Variants in UBE2E3 observed in about 807,000 individuals in gnomAD.
UBE2E3 encodes ubiquitin conjugating enzyme E2 E3, also known as ubiquitin-conjugating enzyme E2 E3.
UBE2E3 carries 5 observed loss-of-function variants against 23.6 expected under a neutral mutation model. The observed-to-expected ratio is 0.21, with a 90% CI of 0.11 to 0.44. The LOEUF is 0.44. UBE2E3 is among the 20% of genes least tolerant of loss of function. The probability of loss-of-function intolerance (pLI) is 0.99; values close to 1 mark genes in which losing one functional copy is unlikely to be tolerated. For missense variants in UBE2E3, 81 were observed against 249.8 expected (o/e 0.32, Z 4.55); for synonymous variants, 78 against 87.5 (o/e 0.89, Z 0.60).
chr2:181,049,893 C>G lies in UBE2E3; in HGVS notation c.246-7800C>G, dbSNP rs1000887963. On this transcript the variant is annotated intron_variant, in intron 3 of 5. Coordinates refer to ENST00000410062, the MANE Select transcript of UBE2E3 (RefSeq NM_006357.4). ...TTAAACAAAAGACTATGAAATACTA[C>G]TACTTTTCTGTAGGCCATGTGATAA... 5.9e-5 allele frequency among the ~76,000 whole-genome samples: 9 copies of G among 152,066 alleles called. No individual in the cohort carries two copies. The Middle Eastern group carries it at 0.01, about 172-fold the overall frequency.
intron 3 of UBE2E3, among the ~76,000 whole-genome samples, chr2:181,000,702 C>G (rs922825698): frequency 2.0e-5 from 3 of 151,984 alleles, no homozygotes; most frequent in Non-Finnish European, 2.9e-5. Context: ...CTACAGGCGC[C>G]CACCACCACA....
chr2:181,013,631 G>C (rs193274062), intron 3 of UBE2E3, among the ~76,000 whole-genome samples: 30 of 152,286 alleles, frequency 2.0e-4, no homozygotes, highest in Middle Eastern at 3.4e-3. Flanking sequence ...TAAACCTGAT[G>C]ACTGGGTTTC....
chr2:181,060,856 GAGTGCTTTTT>G, intron 5 of UBE2E3, 44 bp downstream of exon 5: 1 of 466,222 alleles, frequency 2.1e-6, no homozygotes, highest in Non-Finnish European at 3.2e-6. Flanking sequence ...CTACAAAAAC[GAGTGCTTTTT>G]TTTTTTTTTT....
chr2:181,021,623 CCTCCCTTTT>C (rs1422724763), intron 3 of UBE2E3, among the ~76,000 whole-genome samples: 1 of 88,954 alleles, frequency 1.1e-5, no homozygotes, highest in Non-Finnish European at 2.4e-5. Flanking sequence ...TCCCTCTCTC[CCTCCCTTTT>C]TTCCTTCCTT....
At chr2:181,034,795 A>G (rs996934263) in intron 3 of UBE2E3, among the ~76,000 whole-genome samples, 4 of 152,200 alleles carry the variant, frequency 2.6e-5, no homozygotes, top group South Asian at 2.1e-4. Context: ...TCAGGTTTCT[A>G]AAGAACAAGT....
intron 3 of UBE2E3, among the ~76,000 whole-genome samples, chr2:181,002,464 C>T (rs539897307): frequency 1.4e-4 from 21 of 152,152 alleles, no homozygotes; most frequent in African/African-American, 4.3e-4. Flanking sequence ...TGATTACGAA[C>T]GAAGAAAACC....
At chr2:181,051,445 A>G (rs959521034) in intron 3 of UBE2E3, among the ~76,000 whole-genome samples, 12 of 151,848 alleles carry the variant, frequency 7.9e-5, no homozygotes, top group African/African-American at 2.9e-4. Flanking sequence ...TGAAATGTGC[A>G]TTACTGACCT....
intron 3 of UBE2E3, among the ~76,000 whole-genome samples, chr2:181,051,192 A>G (rs940787485): frequency 3.3e-5 from 5 of 151,786 alleles, no homozygotes; most frequent in African/African-American, 4.8e-5. Flanking sequence ...AATGGTATTA[A>G]ATTACATGTT....
intron 3 of UBE2E3, among the ~76,000 whole-genome samples, chr2:181,022,724 A>G (rs1685747945): frequency 6.6e-6 from 1 of 151,868 alleles, no homozygotes; most frequent in African/African-American, 2.4e-5. Context: ...GTAGGCTGCA[A>G]AAAAAAACAA....
At chr2:181,008,136 T>A (rs1685206991) in intron 3 of UBE2E3, among the ~76,000 whole-genome samples, 1 of 152,222 alleles carries the variant, frequency 6.6e-6, no homozygotes, top group Non-Finnish European at 1.5e-5. Context: ...CATTATGGGA[T>A]CTCTGCGGTA....
intron 3 of UBE2E3, among the ~76,000 whole-genome samples, chr2:181,032,570 T>C (rs1464928863): frequency 6.6e-6 from 1 of 152,246 alleles, no homozygotes; most frequent in Non-Finnish European, 1.5e-5. Context: ...TTGACCCATT[T>C]CTTTATTCTT....
At chr2:181,023,726 G>A (rs1685781134) in intron 3 of UBE2E3, among the ~76,000 whole-genome samples, 2 of 152,172 alleles carry the variant, frequency 1.3e-5, no homozygotes, top group Admixed American at 1.3e-4. Context: ...CTTACCAGAT[G>A]TGTGGCTTTA....
chr2:180,987,842 C>T (rs185867922), intron 3 of UBE2E3, among the ~76,000 whole-genome samples: 93 of 152,186 alleles, frequency 6.1e-4, no homozygotes, highest in Admixed American at 1.2e-3. Context: ...TGACTGTCAG[C>T]ATCTGCGTCA....
chr2:181,040,762 T>G (rs1686464324), intron 3 of UBE2E3, among the ~76,000 whole-genome samples: 1 of 152,226 alleles, frequency 6.6e-6, no homozygotes, highest in Non-Finnish European at 1.5e-5. Context: ...TAATCATAGT[T>G]TAAAATGTCA....
intron 3 of UBE2E3, among the ~76,000 whole-genome samples, chr2:181,050,298 T>C (rs150893147): frequency 6.6e-6 from 1 of 152,082 alleles, no homozygotes; most frequent in African/African-American, 2.4e-5. Flanking sequence ...TTTCTTCAAC[T>C]CTTTCAAAAC....
chr2:180,988,786 C>G (rs1244991442), intron 3 of UBE2E3, among the ~76,000 whole-genome samples: 1 of 152,138 alleles, frequency 6.6e-6, no homozygotes, highest in African/African-American at 2.4e-5. Context: ...TTTAAACTCT[C>G]TCACACATGT....
intron 3 of UBE2E3, among the ~76,000 whole-genome samples, chr2:181,040,840 A>AT (rs1686467797): frequency 6.6e-6 from 1 of 152,194 alleles, no homozygotes; most frequent in Admixed American, 6.5e-5. Context: ...CCAGAGAGTT[A>AT]GACTGTGCAG....
chr2:181,019,405 T>C (rs1685604098), intron 3 of UBE2E3, among the ~76,000 whole-genome samples: 1 of 152,264 alleles, frequency 6.6e-6, no homozygotes, highest in South Asian at 2.1e-4. Flanking sequence ...ATCTTTTTTC[T>C]ACCTGTAATA....
In UBE2E3 at chr2:180,990,021, AT is replaced by A. The variant is rs377607430; in HGVS notation, c.245+5937del. The A allele has an allele frequency of 3.5e-4, 513 of 1,484,688 alleles. 2 individuals are homozygous for A. The African/African-American group carries it at 6.0e-3, about 17-fold the overall frequency. The allele number at this position is 1,484,688 out of a possible 1,614,324, so 92.0% of individuals were successfully genotyped here. On this transcript the variant is annotated intron_variant, in intron 3 of 5. Transcript: ENST00000410062. ...TGTAAATCTAGAGAAATAGAAAGTGATTTTTTTTTCCACATACCAATTTTGA... is the reference window on the plus strand; with the variant it reads ...TGTAAATCTAGAGAAATAGAAAGTGATTTTTTTTCCACATACCAATTTTGA...
Sources: allele counts gnomAD v4.1 joint callset (sites outside exome capture counted in the v4.1 genomes callset), GRCh38; gene constraint gnomAD v4.1.1; transcripts MANE v1.5; gene names NCBI Gene and HGNC (gene_info 2026-07-23, HGNC 2026-07-21).